Variants in SF1 observed in about 807,000 individuals in gnomAD.
SF1 encodes the protein branch point-binding protein.
SF1 carries 7 observed loss-of-function variants against 62.5 expected under a neutral mutation model. The observed-to-expected ratio is 0.11, with a 90% CI of 0.06 to 0.21. SF1 has a LOEUF of 0.21. Among genes scored for constraint, SF1 ranks in the 10% least tolerant of loss-of-function variants. SF1 has a pLI of 1.00. For synonymous variants in SF1, 394 were observed against 323.6 expected (o/e 1.22, Z -2.33); for missense variants, 578 against 884.0 (o/e 0.65, Z 4.39).
At position 64,778,302 on chromosome 11, in the gene SF1, C is replaced by T; in HGVS notation, c.31+60G>A. 15 of 1,221,446 alleles carry T rather than the reference C, an allele frequency of 1.2e-5. No individual in the cohort carries two copies. Among genetic ancestry groups the T allele is most frequent in the Non-Finnish European group, 1.5e-5 (15 of 981,246 alleles). 75.7% of individuals were successfully genotyped at this position (1,221,446 alleles called of 1,614,324 possible). ...CCAGGCCCGGGTGCAGGCGGAGGGC[C>T]CGGCTCGAAGCCTCCTTTGGGCCCG... On this transcript the variant is annotated intron_variant, in intron 1 of 12. Transcript: ENST00000377390.
At chr11:64,766,249 T>C (rs1056586374) in intron 12 of SF1, 94 bp from the exon 13 acceptor site, 3 of 308,260 alleles carry the variant, frequency 9.7e-6, no homozygotes, top group East Asian at 1.4e-4. Context: ...GGGCGCCTGC[T>C]CCTTGCTTGG....
At chr11:64,768,009 CCATT>C (rs1937632204) in intron 9 of SF1, 93 bp downstream of exon 9, 1 of 1,459,016 alleles carries the variant, frequency 6.9e-7, no homozygotes, top group South Asian at 1.3e-5. Context: ...CCATCCACAT[CCATT>C]GTCTGCTCTA....
intron 5 of SF1, 54 bp downstream of exon 5, chr11:64,769,910 A>C: frequency 7.4e-7 from 1 of 1,342,840 alleles, no homozygotes; most frequent in Non-Finnish European, 1.1e-6. Flanking sequence ...CAAAACGGAC[A>C]CATCTCACAG....
At chr11:64,774,201 G>A (rs1938771017) in intron 2 of SF1, among the ~76,000 whole-genome samples, 1 of 152,138 alleles carries the variant, frequency 6.6e-6, no homozygotes, top group South Asian at 2.1e-4. Context: ...TAATAAACCA[G>A]TAACCATAAA....
intron 3 of SF1, chr11:64,772,313 A>G: frequency 1.0e-6 from 1 of 985,050 alleles, no homozygotes; most frequent in Non-Finnish European, 1.2e-6. Context: ...TATGACCTAC[A>G]ATGTAAATTT....
intron 3 of SF1, 72 bp from the exon 4 acceptor site, chr11:64,770,480 T>G (rs1003920407): frequency 6.5e-7 from 1 of 1,537,978 alleles, no homozygotes; most frequent in Non-Finnish European, 8.9e-7. Context: ...ATAACAAGTC[T>G]TTCCCAGCCC....
chr11:64,777,905 C>CCGCCGT (rs1006021027), intron 1 of SF1: 9 of 948,262 alleles, frequency 9.5e-6, no homozygotes, highest in Middle Eastern at 5.4e-4. Flanking sequence ...CCGCGTGCAG[C>CCGCCGT]CGCCGTCGCC....
chr11:64,768,932 T>C, intron 8 of SF1, 90 bp downstream of exon 8: 1 of 877,574 alleles, frequency 1.1e-6, no homozygotes, highest in South Asian at 1.3e-5. Flanking sequence ...ATGTTTCTCT[T>C]GGTAAGATTA....
Position 64,765,502 on chromosome 11 carries a change from C to A in SF1, c.*316G>T, listed in dbSNP as rs371350442. 2 of 1,610,664 alleles carry A rather than the reference C, an allele frequency of 1.2e-6. No homozygotes were observed. On this transcript the variant is annotated 3_prime_UTR_variant, in exon 13 of 13. Transcript: ENST00000377390. ...TCACTCTCATGGCTCGGGCCATCGC[C>A]GCCGCGGGGAGGGATCCTGGCGGCC...
intron 12 of SF1, 54 bp from the exon 13 acceptor site, chr11:64,766,209 C>A: frequency 7.3e-7 from 1 of 1,373,594 alleles, no homozygotes; most frequent in Non-Finnish European, 9.9e-7. Context: ...CCGCGGCTGT[C>A]TGCGGCTGCT....
At chr11:64,766,464 G>T in intron 12 of SF1, 1 of 483,776 alleles carries the variant, frequency 2.1e-6, no homozygotes, top group Non-Finnish European at 3.7e-6. Context: ...CGCCACCACC[G>T]AACGGCACAT....
intron 2 of SF1, among the ~76,000 whole-genome samples, chr11:64,773,787 AGCAATTATTAG>A (rs971406690): frequency 3.3e-5 from 5 of 152,218 alleles, no homozygotes; most frequent in African/African-American, 1.2e-4. Context: ...CTAACATCCA[AGCAATTATTAG>A]GAGGTGTTTC....
At chr11:64,777,898 C>T (rs1939615898) in intron 1 of SF1, 1 of 944,032 alleles carries the variant, frequency 1.1e-6, no homozygotes, top group Non-Finnish European at 1.3e-6. Context: ...GCCCCTGCCG[C>T]GTGCAGCCGC....
At position 64,765,358 on chromosome 11, in the gene SF1, A is replaced by G. The variant is rs1210575291; in HGVS notation, c.*460T>C. On this transcript the variant is annotated 3_prime_UTR_variant, in exon 13 of 13. Coordinates refer to ENST00000377390, the MANE Select transcript of SF1 (RefSeq NM_004630.4). ...AATAAAAATTTCACGATATGGAGCC[A>G]GCGTGTTCCGATTCCGTCCACAAAA... 1 of 844,342 alleles carries G rather than the reference A, an allele frequency of 1.2e-6. No homozygotes were observed. Among genetic ancestry groups the G allele is most frequent in the African/African-American group, 1.7e-5 (1 of 58,908 alleles). The allele number at this position is 844,342 out of a possible 1,614,324, so 52.3% of individuals were successfully genotyped here. A position where few individuals can be genotyped will look rare whatever the true frequency, so the allele number is the denominator to read the frequency against.
At chr11:64,777,568 G>A (rs992389017) in intron 1 of SF1, 17 of 985,328 alleles carry the variant, frequency 1.7e-5, no homozygotes, top group African/African-American at 3.5e-5. Flanking sequence ...TCCCATTCTG[G>A]TTCCTCAAGA....
chr11:64,774,025 T>C (rs931675717), intron 2 of SF1, among the ~76,000 whole-genome samples: 48 of 152,218 alleles, frequency 3.2e-4, no homozygotes, highest in African/African-American at 1.1e-3. Context: ...ACATTTAAAA[T>C]TCCTTAAATA....
At chr11:64,766,266 GTAC>G in intron 12 of SF1, 111 bp from the exon 13 acceptor site, 9 of 595,582 alleles carry the variant, frequency 1.5e-5, no homozygotes, top group South Asian at 5.9e-5. Context: ...TTGGCATGCG[GTAC>G]GGTGGTGGGG....
chr11:64,767,030 A>AGGC lies in SF1; in HGVS notation c.1449_1451dup (p.Pro485dup), dbSNP rs71581802. The AGGC allele has an allele frequency of 1.2e-4, 190 of 1,543,240 alleles. No individual in the cohort carries two copies. The East Asian group carries it at 1.4e-3, about 11-fold the overall frequency. On this transcript the variant is annotated inframe_insertion, in exon 12 of 13. Coordinates refer to ENST00000377390, the MANE Select transcript of SF1 (RefSeq NM_004630.4). ...GAGGGGGTGGGGGCTGCCCACTGGG[A>AGGC]GGCGGCGGCGGCGGCGGCATCATGC...
chr11:64,773,479 G>A lies in SF1; in HGVS notation c.187C>T (p.Arg63Cys). Residue 63 changes from arginine (R) to cysteine (C), a missense_variant, in exon 3 of 13, where the codon CGT becomes TGT. Coordinates refer to ENST00000377390, the MANE Select transcript of SF1 (RefSeq NM_004630.4). ...IVQLQIEDLT[R>C]KLRTGDLGIP... The stretch of plus-strand genomic sequence containing the variant: ...CCCAGGTCTCCTGTGCGCAGTTTAC[G>A]AGTCAGGTCTTCTATCTGCAGTTGC... 2 of 1,613,324 alleles carry A rather than the reference G, an allele frequency of 1.2e-6. No homozygotes were observed. Among genetic ancestry groups the A allele is most frequent in the Non-Finnish European group, 1.7e-6 (2 of 1,179,764 alleles).
Sources: gnomAD v4.1 joint callset for allele counts (sites outside exome capture counted in the v4.1 genomes callset) on GRCh38, gnomAD v4.1.1 for gene constraint, MANE v1.5 for transcripts, NCBI Gene and HGNC (gene_info 2026-07-23, HGNC 2026-07-21) for gene names.